Variants in SORCS2 observed in about 807,000 individuals in gnomAD.
SORCS2 encodes the protein VPS10 domain-containing receptor SorCS2.
A neutral mutation model predicts 141.6 loss-of-function variants in SORCS2; 100 were observed. That is an observed-to-expected ratio of 0.71 (90% confidence interval 0.60 to 0.83). The LOEUF (loss-of-function observed/expected upper bound fraction) is 0.83, where lower values mean the gene tolerates loss of function less well. Ranked by LOEUF, SORCS2 falls within the 40% of genes least tolerant of loss-of-function variation. The pLI, the probability that SORCS2 is intolerant of heterozygous loss-of-function variation, is 0.00. For synonymous variants in SORCS2, 789 were observed against 676.9 expected, an observed-to-expected ratio of 1.17 and a Z score of -2.57; for missense variants, 1,646 against 1,560.2, an observed-to-expected ratio of 1.05 and a Z score of -0.93.
chr4:7,452,306 A>C (rs1285519392), intron 2 of SORCS2, among the ~76,000 whole-genome samples: 1 of 151,922 alleles, frequency 6.6e-6, no homozygotes, highest in Non-Finnish European at 1.5e-5. Context: ...ATGCCTGGGT[A>C]ATTTTTGTAT....
intron 2 of SORCS2, among the ~76,000 whole-genome samples, chr4:7,402,002 A>C (rs1724624684): frequency 6.6e-6 from 1 of 152,166 alleles, no homozygotes; most frequent in Non-Finnish European, 1.5e-5. Flanking sequence ...TCACTAAATA[A>C]TCCATCATTG....
chr4:7,707,501 G>A (rs188975380), intron 14 of SORCS2, among the ~76,000 whole-genome samples: 2 of 152,324 alleles, frequency 1.3e-5, no homozygotes, highest in East Asian at 1.9e-4. Context: ...TAAGATGAGC[G>A]GGTCAGCAAC....
intron 1 of SORCS2, among the ~76,000 whole-genome samples, chr4:7,350,294 C>T (rs1720863297): frequency 6.6e-6 from 1 of 152,230 alleles, no homozygotes; most frequent in Non-Finnish European, 1.5e-5. Flanking sequence ...GGGACAGTGT[C>T]AGCGTTCCAG....
chr4:7,372,856 G>T (rs986515657), intron 1 of SORCS2, among the ~76,000 whole-genome samples: 8 of 151,982 alleles, frequency 5.3e-5, no homozygotes, highest in Non-Finnish European at 1.0e-4. Context: ...TTTCACTCCC[G>T]CAGTCCTGTT....
At chr4:7,628,526 A>T (rs1156644429) in intron 3 of SORCS2, among the ~76,000 whole-genome samples, 1 of 151,778 alleles carries the variant, frequency 6.6e-6, no homozygotes, top group African/African-American at 2.4e-5. Context: ...CTCGAAAAAA[A>T]AAAAAAAGCT....
intron 17 of SORCS2, among the ~76,000 whole-genome samples, chr4:7,716,100 A>G (rs1726170759): frequency 6.6e-6 from 1 of 152,252 alleles, no homozygotes; most frequent in Non-Finnish European, 1.5e-5. Flanking sequence ...TTAGGTACAT[A>G]AAAGCTGTGA....
At chr4:7,671,349 A>T (rs940392273) in intron 8 of SORCS2, among the ~76,000 whole-genome samples, 13 of 152,188 alleles carry the variant, frequency 8.5e-5, no homozygotes, top group South Asian at 2.1e-4. Context: ...AAAGAAAAAA[A>T]AAATAAATTA....
At chr4:7,714,149 T>C in intron 15 of SORCS2, 91 bp from the exon 16 acceptor site, 1 of 1,489,202 alleles carries the variant, frequency 6.7e-7, no homozygotes, top group Non-Finnish European at 9.0e-7. Flanking sequence ...CCATCAGCCA[T>C]CTTCAGGCTC....
At chr4:7,464,128 G>A (rs1241966123) in intron 2 of SORCS2, among the ~76,000 whole-genome samples, 1 of 152,186 alleles carries the variant, frequency 6.6e-6, no homozygotes, top group Admixed American at 6.5e-5. Context: ...CACCTGGTCA[G>A]CCTGGAACTT....
intron 26 of SORCS2, 72 bp downstream of exon 26, chr4:7,737,244 TC>T (rs1560124486): frequency 4.8e-6 from 7 of 1,456,158 alleles, no homozygotes; most frequent in Non-Finnish European, 6.5e-6. Context: ...CACCCCGCCC[TC>T]CCACAGGCCA....
intron 1 of SORCS2, among the ~76,000 whole-genome samples, chr4:7,278,632 C>G (rs1378545907): frequency 6.6e-6 from 1 of 152,142 alleles, no homozygotes; most frequent in Non-Finnish European, 1.5e-5. Flanking sequence ...CTTCCTTCAG[C>G]AGGTGTCTCT....
At chr4:7,606,030 A>G (rs757240) in intron 3 of SORCS2, among the ~76,000 whole-genome samples, 48,338 of 152,076 alleles carry the variant, frequency 0.32, 8,200 homozygotes, top group African/African-American at 0.39. Flanking sequence ...TGGGGACACC[A>G]CGTCAGGGAG....
chr4:7,739,869 G>T lies in SORCS2; in HGVS notation c.3416-331G>T, dbSNP rs573604096. On this transcript the variant is annotated intron_variant, in intron 26 of 26. Transcript: ENST00000507866. ...GCAGCGCCCACTGCCAGGAGGGGGC[G>T]GAGCCTCAGCCCCTCTCGCACCCCC... Among the ~76,000 whole-genome samples, 126 of 152,290 alleles carry T rather than the reference G, an allele frequency of 8.3e-4. 1 individual carries two copies. The highest frequency in any genetic ancestry group is 2.9e-3 in the African/African-American group (122 of 41,568).
intron 2 of SORCS2, among the ~76,000 whole-genome samples, chr4:7,408,071 C>A (rs925610998): frequency 6.6e-5 from 10 of 152,088 alleles, no homozygotes; most frequent in Non-Finnish European, 1.0e-4. Flanking sequence ...ATAGATGTAT[C>A]TTCTGGGCTT....
chr4:7,305,181 G>A (rs1276699643), intron 1 of SORCS2, among the ~76,000 whole-genome samples: 2 of 152,020 alleles, frequency 1.3e-5, no homozygotes, highest in Admixed American at 6.5e-5. Flanking sequence ...GCAGGCGCCT[G>A]CCACCGCGCC....
intron 12 of SORCS2, among the ~76,000 whole-genome samples, chr4:7,702,294 G>A (rs796094036): frequency 2.7e-4 from 41 of 152,322 alleles, no homozygotes; most frequent in African/African-American, 9.9e-4. Flanking sequence ...GGGCGAGGGC[G>A]ATGTGTTGGA....
At chr4:7,265,142 G>A (rs1167929002) in intron 1 of SORCS2, among the ~76,000 whole-genome samples, 1 of 152,194 alleles carries the variant, frequency 6.6e-6, no homozygotes, top group African/African-American at 2.4e-5. Flanking sequence ...CCACAGACTG[G>A]GTGGCTTAAA....
At chr4:7,560,338 A>G (rs1345840792) in intron 3 of SORCS2, among the ~76,000 whole-genome samples, 5 of 152,062 alleles carry the variant, frequency 3.3e-5, no homozygotes, top group Non-Finnish European at 5.9e-5. Context: ...ATGGATTTTC[A>G]CCTGGAAGGT....
intron 2 of SORCS2, among the ~76,000 whole-genome samples, chr4:7,451,071 AGT>A (rs915387746): frequency 1.3e-4 from 20 of 152,012 alleles, no homozygotes; most frequent in African/African-American, 4.6e-4. Context: ...TGGATGGGAG[AGT>A]GAGTGAATGC....
Sources: allele counts gnomAD v4.1 joint callset (sites outside exome capture counted in the v4.1 genomes callset), GRCh38; gene constraint gnomAD v4.1.1; transcripts MANE v1.5; gene names NCBI Gene and HGNC (gene_info 2026-07-23, HGNC 2026-07-21).